FAF1: variants seen among roughly 807,000 people sequenced by gnomAD.
The protein encoded by FAF1 is FAS-associated factor 1.
Under a neutral mutation model 92.5 loss-of-function variants are expected in FAF1, and 25 were observed. The observed-to-expected ratio is 0.27, with a 90% CI of 0.20 to 0.38. The LOEUF (loss-of-function observed/expected upper bound fraction) is 0.38. Ranked by LOEUF, FAF1 falls within the 10% of genes least tolerant of loss-of-function variation. The pLI is 1.00. For missense variants in FAF1, 636 were observed against 793.3 expected (o/e 0.80, Z 2.38); for synonymous variants, 234 against 273.2 (o/e 0.86, Z 1.42).
At chr1:50,608,135 G>C (rs948151854) in intron 8 of FAF1, among the ~76,000 whole-genome samples, 3 of 152,190 alleles carry the variant, frequency 2.0e-5, no homozygotes, top group Non-Finnish European at 4.4e-5. Flanking sequence ...CAAATTAAGG[G>C]GTGGTTATGC....
At chr1:50,888,940 T>A (rs980490656) in intron 1 of FAF1, among the ~76,000 whole-genome samples, 10 of 152,224 alleles carry the variant, frequency 6.6e-5, no homozygotes, top group South Asian at 4.1e-4. Context: ...GAAGGAATGG[T>A]ACCAGCTCCT....
At chr1:50,772,929 G>A (rs1660824109) in intron 4 of FAF1, among the ~76,000 whole-genome samples, 1 of 151,984 alleles carries the variant, frequency 6.6e-6, no homozygotes, top group Admixed American at 6.6e-5. Flanking sequence ...AAAAACAAAA[G>A]CACTTTGGGA....
intron 2 of FAF1, among the ~76,000 whole-genome samples, chr1:50,818,975 A>C (rs1053898799): frequency 1.4e-4 from 21 of 152,310 alleles, no homozygotes; most frequent in Admixed American, 3.9e-4. Context: ...GCATTAAACA[A>C]ATTTTTGGCT....
At chr1:50,681,051 G>A (rs530031133) in intron 7 of FAF1, among the ~76,000 whole-genome samples, 94 of 151,282 alleles carry the variant, frequency 6.2e-4, no homozygotes, top group African/African-American at 2.1e-3. Context: ...ATAATAATAC[G>A]ATGATGATGA....
At chr1:50,467,370 G>C (rs1646510358) in intron 18 of FAF1, among the ~76,000 whole-genome samples, 1 of 152,112 alleles carries the variant, frequency 6.6e-6, no homozygotes, top group African/African-American at 2.4e-5. Flanking sequence ...CTGGAGTGCA[G>C]TGGCGCAATC....
At chr1:50,472,132 T>G (rs1374548132) in intron 18 of FAF1, among the ~76,000 whole-genome samples, 2 of 151,874 alleles carry the variant, frequency 1.3e-5, no homozygotes, top group Non-Finnish European at 2.9e-5. Flanking sequence ...CTGGGGGAGC[T>G]GGCAGCAATC....
chr1:50,452,007 A>G (rs185856463), intron 18 of FAF1: 12 of 1,248,856 alleles, frequency 9.6e-6, no homozygotes, highest in Non-Finnish European at 1.2e-5. Flanking sequence ...TCACTATACT[A>G]TTAAATGACA....
chr1:50,757,468 C>A (rs1357000790), intron 4 of FAF1, among the ~76,000 whole-genome samples: 1 of 152,156 alleles, frequency 6.6e-6, no homozygotes, highest in East Asian at 1.9e-4. Context: ...CTTATGTCTT[C>A]TTGATGAATC....
At chr1:50,572,796 T>C (rs1013743671) in intron 12 of FAF1, among the ~76,000 whole-genome samples, 61 of 152,174 alleles carry the variant, frequency 4.0e-4, no homozygotes, top group Non-Finnish European at 8.2e-4. Flanking sequence ...TGAGTAGTAA[T>C]AGAGGAAGTC....
intron 2 of FAF1, among the ~76,000 whole-genome samples, chr1:50,855,928 A>G (rs1644387780): frequency 6.6e-6 from 1 of 151,856 alleles, no homozygotes; most frequent in Admixed American, 6.6e-5. Context: ...AAGTGTTGTT[A>G]GAATATTCTC....
chr1:50,916,773 G>A (rs1388247392), intron 1 of FAF1, among the ~76,000 whole-genome samples: 2 of 152,152 alleles, frequency 1.3e-5, no homozygotes, highest in African/African-American at 2.4e-5. Flanking sequence ...AAATGCTGCT[G>A]AGAATAGTAA....
intron 2 of FAF1, among the ~76,000 whole-genome samples, chr1:50,831,496 G>T (rs1644152409): frequency 6.6e-6 from 1 of 152,134 alleles, no homozygotes; most frequent in Admixed American, 6.5e-5. Context: ...TAAGAGCAAA[G>T]AATATATCTG....
intron 2 of FAF1, among the ~76,000 whole-genome samples, chr1:50,814,689 T>C (rs372248460): frequency 2.0e-5 from 3 of 152,172 alleles, no homozygotes; most frequent in African/African-American, 7.2e-5. Context: ...AGGACTTGAA[T>C]AGACATTTCT....
At chr1:50,959,613 A>T in intron 1 of FAF1, 154 bp downstream of exon 1, 1 of 510,296 alleles carries the variant, frequency 2.0e-6, no homozygotes, top group Non-Finnish European at 3.6e-6. Context: ...ACGCTTCTCC[A>T]TAGCTCGCCA....
At chr1:50,909,755 T>C (rs1401847660) in intron 1 of FAF1, among the ~76,000 whole-genome samples, 1 of 152,216 alleles carries the variant, frequency 6.6e-6, no homozygotes, top group Non-Finnish European at 1.5e-5. Context: ...TCTACGCTGT[T>C]TATTCTGGTT....
At chr1:50,907,089 A>C (rs1036965228) in intron 1 of FAF1, among the ~76,000 whole-genome samples, 27 of 152,200 alleles carry the variant, frequency 1.8e-4, no homozygotes, top group African/African-American at 6.5e-4. Flanking sequence ...TTTAGCATGA[A>C]GGGCTATAGA....
intron 4 of FAF1, among the ~76,000 whole-genome samples, chr1:50,767,846 A>T (rs903084753): frequency 1.3e-5 from 2 of 152,196 alleles, no homozygotes; most frequent in Admixed American, 6.5e-5. Flanking sequence ...ACAAAAACTC[A>T]CTTAAATACA....
chr1:50,698,597 T>C (rs1002885638), intron 7 of FAF1, among the ~76,000 whole-genome samples: 2 of 152,138 alleles, frequency 1.3e-5, no homozygotes, highest in African/African-American at 4.8e-5. Context: ...GCAGTGAGTT[T>C]TTCTTAATCT....
At chr1:50,497,221 A>G (rs2149013073) in intron 15 of FAF1, among the ~76,000 whole-genome samples, 1 of 152,294 alleles carries the variant, frequency 6.6e-6, no homozygotes, top group Non-Finnish European at 1.5e-5. Flanking sequence ...CATCAGAAAC[A>G]GTGCAACTGA....
Sources: gnomAD v4.1 joint callset for allele counts (sites outside exome capture counted in the v4.1 genomes callset) on GRCh38, gnomAD v4.1.1 for gene constraint, MANE v1.5 for transcripts, NCBI Gene and HGNC (gene_info 2026-07-23, HGNC 2026-07-21) for gene names.